PDZD2: variants seen among roughly 807,000 people sequenced by gnomAD.
PDZD2 encodes PDZ domain-containing protein 2.
Under a neutral mutation model 220.7 loss-of-function variants are expected in PDZD2, and 90 were observed. The ratio of observed to expected loss-of-function variants is 0.41; its 90% CI spans 0.34 to 0.49. The LOEUF (loss-of-function observed/expected upper bound fraction) is 0.49, where lower values mean the gene tolerates loss of function less well. PDZD2 is among the 20% of genes least tolerant of loss of function. The pLI, the probability that PDZD2 is intolerant of heterozygous loss-of-function variation, is 0.28. For synonymous variants in PDZD2, 1,375 were observed against 1,450.5 expected (o/e 0.95, Z 1.18); for missense variants, 3,174 against 3,608.5 (o/e 0.88, Z 3.08).
chr5:31,999,277 TTTG>T (rs1346039746), intron 4 of PDZD2, among the ~76,000 whole-genome samples: 12 of 71,456 alleles, frequency 1.7e-4, no homozygotes, highest in African/African-American at 4.6e-4. Flanking sequence ...GGTGGCGGGA[TTTG>T]TTTTTTTTTT....
intron 1 of PDZD2, among the ~76,000 whole-genome samples, chr5:31,777,457 C>T (rs578007094): frequency 9.2e-5 from 14 of 152,326 alleles, no homozygotes; most frequent in East Asian, 3.9e-4. Flanking sequence ...CCCCCTGCTC[C>T]GTGGCGCCTG....
At chr5:31,985,535 A>T (rs1379753048) in intron 3 of PDZD2, among the ~76,000 whole-genome samples, 2 of 152,066 alleles carry the variant, frequency 1.3e-5, no homozygotes, top group African/African-American at 4.8e-5. Context: ...AATACTAAAA[A>T]TACAAAACTT....
chr5:31,756,496 A>G (rs77471470), intron 1 of PDZD2, among the ~76,000 whole-genome samples: 2,578 of 152,348 alleles, frequency 0.017, 69 homozygotes, highest in African/African-American at 0.059. Flanking sequence ...TGGGCCCACA[A>G]GAAGTCCTGT....
chr5:32,003,440 A>C, intron 5 of PDZD2, among the ~76,000 whole-genome samples: 1 of 55,118 alleles, frequency 1.8e-5, no homozygotes, highest in Non-Finnish European at 3.4e-5. Flanking sequence ...CACACACCCT[A>C]CACACTCCCC....
intron 6 of PDZD2, among the ~76,000 whole-genome samples, chr5:32,016,280 A>C (rs926747061): frequency 6.6e-6 from 1 of 152,184 alleles, no homozygotes; most frequent in Non-Finnish European, 1.5e-5. Context: ...AATGTTTCCA[A>C]ATGTGTCCGG....
intron 17 of PDZD2, 45 bp from the exon 18 acceptor site, chr5:32,073,786 TG>T: frequency 1.5e-6 from 2 of 1,291,706 alleles, no homozygotes; most frequent in Non-Finnish European, 2.2e-6. Context: ...CAGGGCCAAG[TG>T]GGAAGCTCAA....
chr5:32,096,039 G>A (rs1006484085), intron 21 of PDZD2, among the ~76,000 whole-genome samples: 5 of 150,920 alleles, frequency 3.3e-5, no homozygotes, highest in East Asian at 2.0e-4. Context: ...CACCGCACCC[G>A]GCGTAGGAGG....
At chr5:32,010,561 T>G in intron 6 of PDZD2, 79 bp downstream of exon 6, 1 of 942,172 alleles carries the variant, frequency 1.1e-6, no homozygotes, top group Non-Finnish European at 1.7e-6. Flanking sequence ...AGGGGATAAA[T>G]GCTTGAGATA....
intron 1 of PDZD2, among the ~76,000 whole-genome samples, chr5:31,775,656 TCA>T (rs984413332): frequency 7.1e-6 from 1 of 141,308 alleles, no homozygotes; most frequent in African/African-American, 2.7e-5. Context: ...AGAGCTGCAC[TCA>T]CAGAGCGTGT....
At chr5:31,923,014 C>A (rs553348898) in intron 2 of PDZD2, among the ~76,000 whole-genome samples, 12 of 148,956 alleles carry the variant, frequency 8.1e-5, no homozygotes, top group African/African-American at 2.9e-4. Context: ...GCTTGCAGGC[C>A]GGGCGTGGTG....
At chr5:31,681,985 T>C (rs1056951149) in intron 1 of PDZD2, among the ~76,000 whole-genome samples, 1 of 152,198 alleles carries the variant, frequency 6.6e-6, no homozygotes, top group African/African-American at 2.4e-5. Context: ...AAATGCATAG[T>C]ATAGGACCAA....
rs1453871767 is a variant in PDZD2, at chr5:31,915,239, G to A, written c.477-67916G>A. Among the ~76,000 whole-genome samples, 3 of 152,200 alleles carry A rather than the reference G, an allele frequency of 2.0e-5. No individual in the cohort carries two copies. In the Middle Eastern group the frequency reaches 0.01, roughly 518 times the overall value. Reference sequence around the variant, plus strand: ...GAAATCCCCACGTTATTAGATTGCCGCTGTGACATCCAGGCAAAAAAATGA... The same window carrying A: ...GAAATCCCCACGTTATTAGATTGCCACTGTGACATCCAGGCAAAAAAATGA... On this transcript the variant is annotated intron_variant, in intron 2 of 24. Transcript: ENST00000438447.
chr5:32,095,016 C>T (rs1325290487), intron 21 of PDZD2, among the ~76,000 whole-genome samples: 3 of 152,180 alleles, frequency 2.0e-5, no homozygotes, highest in Non-Finnish European at 2.9e-5. Flanking sequence ...ATTCTGAGAC[C>T]ACCAGTCAAG....
intron 9 of PDZD2, among the ~76,000 whole-genome samples, chr5:32,052,942 C>T (rs368551787): frequency 1.3e-5 from 2 of 152,176 alleles, no homozygotes; most frequent in Admixed American, 6.5e-5. Context: ...TCCCAAAGCA[C>T]TGAGATTATA....
At position 32,052,638 on chromosome 5, in the gene PDZD2, C is replaced by T. The variant is rs929780304; in HGVS notation, c.1693C>T (p.Arg565Cys). The T allele has an allele frequency of 7.4e-6, 12 of 1,613,058 alleles. No individual in the cohort carries two copies. The highest frequency in any genetic ancestry group is 1.7e-5 in the Admixed American group (1 of 60,000). Residue 565 changes from arginine to cysteine, a missense_variant, in exon 9 of 25, where the codon CGC becomes TGC. By Grantham distance (180) the Arg-to-Cys change is radical (BLOSUM62 -3). Around this residue, in one of 4 missense-constraint regions of PDZD2, gnomAD observed 50 missense variants for 109.5 expected, o/e 0.46. Coordinates refer to ENST00000438447, the MANE Select transcript of PDZD2 (RefSeq NM_178140.4). ...ATACCACATTGTGAAGAAGTCTACC[C>T]GCTCCTTAAGCACGACTCAGGTGGA... ...QEYHIVKKST[R>C]SLSTTQVESP...
At chr5:31,753,136 G>A (rs1191532776) in intron 1 of PDZD2, among the ~76,000 whole-genome samples, 2 of 152,114 alleles carry the variant, frequency 1.3e-5, no homozygotes, top group African/African-American at 2.4e-5. Context: ...GGTATCAGGT[G>A]GATAACATAA....
At chr5:31,722,141 T>A (rs191338183) in intron 1 of PDZD2, among the ~76,000 whole-genome samples, 36 of 152,346 alleles carry the variant, frequency 2.4e-4, no homozygotes, top group Non-Finnish European at 4.0e-4. Context: ...CCGTTCTCAC[T>A]GTAGCCAAAT....
intron 2 of PDZD2, among the ~76,000 whole-genome samples, chr5:31,837,004 C>A (rs1225500857): frequency 6.8e-6 from 1 of 146,272 alleles, no homozygotes; most frequent in Non-Finnish European, 1.5e-5. Flanking sequence ...GGCAACTGAG[C>A]GAGACTGTCT....
In PDZD2 at chr5:31,830,332, A is replaced by ATTTTT. The variant is rs11447724; in HGVS notation, c.476+30621_476+30625dup. ...AGGCGCCCACCACCACGCCCAGCTAATTTTTTTTTTTTTTTTTGTATTTTT... is the reference window on the plus strand; with the variant it reads ...AGGCGCCCACCACCACGCCCAGCTAATTTTTTTTTTTTTTTTTTTTTTGTATTTTT... On this transcript the variant is annotated intron_variant, in intron 2 of 24. Coordinates refer to ENST00000438447, the MANE Select transcript of PDZD2 (RefSeq NM_178140.4). Among the ~76,000 whole-genome samples, 195 of 123,710 alleles carry ATTTTT rather than the reference A, an allele frequency of 1.6e-3. 4 individuals carry two copies. Among genetic ancestry groups the ATTTTT allele is most frequent in the Middle Eastern group, 4.1e-3 (1 of 242 alleles). The allele number at this position is 123,710 out of a possible 152,430, so 81.2% of individuals were successfully genotyped here.
Sources: allele counts gnomAD v4.1 joint callset (sites outside exome capture counted in the v4.1 genomes callset), GRCh38; gene constraint gnomAD v4.1.1; regional missense constraint gnomAD v4.1.1; transcripts MANE v1.5; gene names NCBI Gene and HGNC (gene_info 2026-07-23, HGNC 2026-07-21).